Variants in CNTNAP4 observed in about 807,000 individuals in gnomAD.
CNTNAP4 encodes contactin-associated protein-like 4.
CNTNAP4 carries 98 observed loss-of-function variants against 148.4 expected under a neutral mutation model. The observed-to-expected ratio is 0.66, with a 90% confidence interval of 0.56 to 0.78. The LOEUF is 0.78. CNTNAP4 is among the 30% of genes least tolerant of loss of function. The pLI is 0.00. For synonymous variants in CNTNAP4, 730 were observed against 565.1 expected (o/e 1.29, Z -4.14); for missense variants, 1,935 against 1,565.6 (o/e 1.24, Z -3.98).
intron 1 of CNTNAP4, among the ~76,000 whole-genome samples, chr16:76,302,538 T>G (rs1960084999): frequency 6.6e-6 from 1 of 152,130 alleles, no homozygotes; most frequent in African/African-American, 2.4e-5. Context: ...TTCTTATCTC[T>G]TTCACTTTTT....
intron 3 of CNTNAP4, among the ~76,000 whole-genome samples, chr16:76,415,708 C>G (rs146734893): frequency 1.4e-4 from 21 of 151,128 alleles, no homozygotes; most frequent in Non-Finnish European, 2.8e-4. Context: ...CCTTTGTAGA[C>G]AATGCTCATC....
At chr16:76,394,899 G>A (rs1190041943) in intron 3 of CNTNAP4, among the ~76,000 whole-genome samples, 1 of 151,912 alleles carries the variant, frequency 6.6e-6, no homozygotes, top group African/African-American at 2.4e-5. Context: ...AAACTAACAG[G>A]TCATAGGTCC....
intron 4 of CNTNAP4, among the ~76,000 whole-genome samples, chr16:76,437,528 A>G (rs1397223279): frequency 6.6e-6 from 1 of 152,162 alleles, no homozygotes; most frequent in East Asian, 1.9e-4. Flanking sequence ...AGTATCAAAA[A>G]GGATAGTAAC....
At chr16:76,338,709 C>T (rs1203028876) in intron 2 of CNTNAP4, among the ~76,000 whole-genome samples, 1 of 152,020 alleles carries the variant, frequency 6.6e-6, no homozygotes, top group African/African-American at 2.4e-5. Context: ...AAGAACAGAC[C>T]CTGGAGACAG....
chr16:76,317,437 A>T (rs910124146), intron 2 of CNTNAP4, among the ~76,000 whole-genome samples: 1 of 151,878 alleles, frequency 6.6e-6, no homozygotes, highest in African/African-American at 2.4e-5. Flanking sequence ...GTACTTAGAG[A>T]CAGAGTGTCA....
At chr16:76,446,510 G>T (rs1461081201) in intron 4 of CNTNAP4, among the ~76,000 whole-genome samples, 2 of 152,042 alleles carry the variant, frequency 1.3e-5, no homozygotes, top group Non-Finnish European at 2.9e-5. Flanking sequence ...TAGGTTACTG[G>T]TATAACATGA....
intron 15 of CNTNAP4, among the ~76,000 whole-genome samples, chr16:76,507,772 C>A (rs1770933659): frequency 1.1e-5 from 1 of 93,778 alleles, no homozygotes; most frequent in African/African-American, 2.8e-5. Flanking sequence ...AGGGTTAAAC[C>A]TACTTTCTTG....
chr16:76,539,709 C>G lies in CNTNAP4; in HGVS notation c.3221-10C>G. 1 of 1,571,410 alleles carries G rather than the reference C, an allele frequency of 6.4e-7. No homozygotes were observed. The highest frequency in any genetic ancestry group is 8.6e-7 in the Non-Finnish European group (1 of 1,166,258). On this transcript the variant is annotated splice_polypyrimidine_tract_variant and intron_variant, in intron 19 of 23. Coordinates refer to ENST00000611870, the MANE Select transcript of CNTNAP4 (RefSeq NM_033401.5). ...TTTACTAAAAGAATCACAATTTTTCCCCACTCTAGGAAGTTTGCAGATCAG... is the reference window on the plus strand; with the variant it reads ...TTTACTAAAAGAATCACAATTTTTCGCCACTCTAGGAAGTTTGCAGATCAG...
chr16:76,283,275 T>G (rs1958758001), intron 1 of CNTNAP4, among the ~76,000 whole-genome samples: 1 of 151,994 alleles, frequency 6.6e-6, no homozygotes, highest in African/African-American at 2.4e-5. Context: ...TTAATATTGT[T>G]CACTAATGAA....
chr16:76,413,563 T>TAAA (rs71134757), intron 3 of CNTNAP4, among the ~76,000 whole-genome samples: 12 of 146,230 alleles, frequency 8.2e-5, no homozygotes, highest in Non-Finnish European at 3.0e-5. Flanking sequence ...TAATATCCAG[T>TAAA]AAAAAAAAAA....
chr16:76,485,454 A>G (rs778179674), intron 12 of CNTNAP4, among the ~76,000 whole-genome samples: 1 of 152,218 alleles, frequency 6.6e-6, no homozygotes, highest in Non-Finnish European at 1.5e-5. Context: ...TTTTATGTTC[A>G]AGAAGTTTCT....
intron 8 of CNTNAP4, among the ~76,000 whole-genome samples, chr16:76,458,772 T>A (rs973485118): frequency 2.6e-5 from 4 of 152,186 alleles, no homozygotes. Flanking sequence ...TATCGGTCCA[T>A]GGCCCTGGGG....
chr16:76,500,187 G>GC (rs900983338), intron 15 of CNTNAP4, among the ~76,000 whole-genome samples: 5 of 151,978 alleles, frequency 3.3e-5, no homozygotes, highest in Admixed American at 6.6e-5. Flanking sequence ...GGCGGGGGCT[G>GC]CCCCCCACCT....
intron 15 of CNTNAP4, among the ~76,000 whole-genome samples, chr16:76,509,592 T>C (rs112716546): frequency 0.041 from 3,981 of 97,450 alleles, 748 homozygotes; most frequent in African/African-American, 0.09. Context: ...TAAAAGATTG[T>C]AGAGTCACTA....
At chr16:76,369,820 C>T (rs1307050051) in intron 3 of CNTNAP4, among the ~76,000 whole-genome samples, 1 of 151,946 alleles carries the variant, frequency 6.6e-6, no homozygotes, top group Non-Finnish European at 1.5e-5. Context: ...CCAGTCTGGG[C>T]AACAGAGTGA....
At chr16:76,310,925 G>A (rs1365784301) in intron 1 of CNTNAP4, among the ~76,000 whole-genome samples, 1 of 151,996 alleles carries the variant, frequency 6.6e-6, no homozygotes, top group Non-Finnish European at 1.5e-5. Flanking sequence ...TTAGTCATGG[G>A]TCCTTAGGTA....
intron 3 of CNTNAP4, among the ~76,000 whole-genome samples, chr16:76,402,049 T>G (rs8063484): frequency 0.15 from 22,109 of 152,156 alleles, 3,950 homozygotes; most frequent in African/African-American, 0.43. Flanking sequence ...GGATGATATT[T>G]ACCTCATAGA....
chr16:76,396,404 T>C (rs977533325), intron 3 of CNTNAP4, among the ~76,000 whole-genome samples: 2 of 152,110 alleles, frequency 1.3e-5, no homozygotes, highest in Non-Finnish European at 2.9e-5. Flanking sequence ...ATCCTAATTT[T>C]TATCAAGGAG....
chr16:76,403,221 T>C (rs1001926801), intron 3 of CNTNAP4, among the ~76,000 whole-genome samples: 2 of 151,890 alleles, frequency 1.3e-5, no homozygotes, highest in African/African-American at 4.8e-5. Context: ...GCCTCCTGAG[T>C]AGCTGGGACT....
Sources: gnomAD v4.1 joint callset for allele counts (sites outside exome capture counted in the v4.1 genomes callset) on GRCh38, gnomAD v4.1.1 for gene constraint, MANE v1.5 for transcripts, NCBI Gene and HGNC (gene_info 2026-07-23, HGNC 2026-07-21) for gene names.